PTPRD: variants seen among roughly 807,000 people sequenced by gnomAD.
PTPRD encodes protein tyrosine phosphatase receptor type D, also known as receptor-type tyrosine-protein phosphatase delta.
PTPRD carries 34 observed loss-of-function variants against 214.5 expected under a neutral mutation model. The observed-to-expected ratio is 0.16, with a 90% CI of 0.12 to 0.21. PTPRD has a LOEUF of 0.21. Among genes scored for constraint, PTPRD ranks in the 10% least tolerant of loss-of-function variants. The pLI, the probability that PTPRD is intolerant of heterozygous loss-of-function variation, is 1.00. For missense variants in PTPRD, 2,545 were observed against 2,398.7 expected (o/e 1.06, Z -1.27); for synonymous variants, 1,128 against 845.7 (o/e 1.33, Z -5.79).
chr9:10,092,615 C>T (rs2098443511), intron 3 of PTPRD, among the ~76,000 whole-genome samples: 1 of 150,886 alleles, frequency 6.6e-6, no homozygotes, highest in Admixed American at 6.6e-5. Flanking sequence ...TGAAATTATT[C>T]TAAAATTCAA....
At chr9:8,914,527 G>C (rs146788350) in intron 11 of PTPRD, among the ~76,000 whole-genome samples, 1 of 151,952 alleles carries the variant, frequency 6.6e-6, no homozygotes, top group African/African-American at 2.4e-5. Flanking sequence ...AGAGTGATAG[G>C]GGTCGAGATA....
intron 11 of PTPRD, among the ~76,000 whole-genome samples, chr9:8,952,181 T>C (rs529185669): frequency 3.3e-5 from 5 of 152,082 alleles, no homozygotes; most frequent in East Asian, 1.9e-4. Flanking sequence ...TTGCTTACTT[T>C]TTTGCTTTGT....
At chr9:9,093,905 T>C (rs962675762) in intron 10 of PTPRD, among the ~76,000 whole-genome samples, 3 of 151,302 alleles carry the variant, frequency 2.0e-5, no homozygotes, top group Admixed American at 6.6e-5. Flanking sequence ...ATCAGTAAAA[T>C]TGATAAACTT....
At chr9:9,613,859 A>G (rs1189081444) in intron 7 of PTPRD, among the ~76,000 whole-genome samples, 4 of 152,122 alleles carry the variant, frequency 2.6e-5, no homozygotes, top group African/African-American at 9.7e-5. Flanking sequence ...TAAAATATAA[A>G]TCTCTACTTT....
chr9:9,456,719 T>A (rs1325953222), intron 8 of PTPRD, among the ~76,000 whole-genome samples: 2 of 151,854 alleles, frequency 1.3e-5, no homozygotes, highest in East Asian at 3.9e-4. Context: ...TGCTACATAG[T>A]AAATAAAATT....
At chr9:10,046,906 ACACT>A (rs2097408674) in intron 3 of PTPRD, among the ~76,000 whole-genome samples, 1 of 152,038 alleles carries the variant, frequency 6.6e-6, no homozygotes, top group South Asian at 2.1e-4. Flanking sequence ...TGTGTTTTGC[ACACT>A]CAGTGAACAA....
intron 9 of PTPRD, among the ~76,000 whole-genome samples, chr9:9,217,245 A>G (rs1308267913): frequency 1.3e-5 from 2 of 152,142 alleles, no homozygotes; most frequent in Non-Finnish European, 2.9e-5. Flanking sequence ...AATGTGGATG[A>G]TAATAGAACC....
At chr9:8,972,719 C>A (rs868178401) in intron 11 of PTPRD, among the ~76,000 whole-genome samples, 2 of 151,940 alleles carry the variant, frequency 1.3e-5, no homozygotes, top group African/African-American at 2.4e-5. Flanking sequence ...AGGTTGAAAA[C>A]TTCCTAGTGA....
chr9:9,847,907 C>G (rs1241534543), intron 5 of PTPRD, among the ~76,000 whole-genome samples: 1 of 152,188 alleles, frequency 6.6e-6, no homozygotes, highest in Middle Eastern at 3.4e-3. Flanking sequence ...TTAAAAAAGG[C>G]AGATCCACGT....
chr9:9,508,092 A>G (rs2096612201), intron 8 of PTPRD, among the ~76,000 whole-genome samples: 1 of 151,674 alleles, frequency 6.6e-6, no homozygotes, highest in East Asian at 1.9e-4. Flanking sequence ...CAGCAAGTTC[A>G]TACTTCAGTA....
At chr9:9,657,295 C>A (rs572349369) in intron 7 of PTPRD, among the ~76,000 whole-genome samples, 1 of 152,108 alleles carries the variant, frequency 6.6e-6, no homozygotes, top group Non-Finnish European at 1.5e-5. Context: ...AGGTCATGTC[C>A]TTTGCAGGGA....
At chr9:10,102,487 C>A (rs2098561875) in intron 3 of PTPRD, among the ~76,000 whole-genome samples, 1 of 151,614 alleles carries the variant, frequency 6.6e-6, no homozygotes, top group Non-Finnish European at 1.5e-5. Context: ...CTATTAATCT[C>A]AGATAAACAA....
chr9:9,087,493 T>C (rs2099768842), intron 10 of PTPRD, among the ~76,000 whole-genome samples: 1 of 152,066 alleles, frequency 6.6e-6, no homozygotes, highest in African/African-American at 2.4e-5. Flanking sequence ...GAAATGTAGG[T>C]GGCATTTCAA....
intron 8 of PTPRD, among the ~76,000 whole-genome samples, chr9:9,493,851 T>C (rs1267899374): frequency 2.0e-5 from 3 of 151,330 alleles, no homozygotes; most frequent in African/African-American, 7.3e-5. Context: ...AGGTTATATC[T>C]ATCATAGATA....
chr9:10,002,340 A>ATATT (rs1306141395), intron 4 of PTPRD, among the ~76,000 whole-genome samples: 1 of 146,750 alleles, frequency 6.8e-6, no homozygotes, highest in Non-Finnish European at 1.5e-5. Context: ...AAATATATAT[A>ATATT]TATATATTTA....
chr9:9,944,181 C>G (rs1034385080), intron 4 of PTPRD, among the ~76,000 whole-genome samples: 2 of 152,042 alleles, frequency 1.3e-5, no homozygotes, highest in Non-Finnish European at 2.9e-5. Flanking sequence ...TCCTGTTTGC[C>G]CATTCTTGCT....
intron 8 of PTPRD, among the ~76,000 whole-genome samples, chr9:9,517,995 T>A (rs992738357): frequency 6.6e-6 from 1 of 152,120 alleles, no homozygotes; most frequent in African/African-American, 2.4e-5. Context: ...ATTACTTTTA[T>A]ACTCAATGCA....
intron 12 of PTPRD, among the ~76,000 whole-genome samples, chr9:8,721,528 T>A (rs2098498302): frequency 6.6e-6 from 1 of 152,008 alleles, no homozygotes; most frequent in Non-Finnish European, 1.5e-5. Flanking sequence ...AAGATAAAAT[T>A]AATTTTATTG....
intron 5 of PTPRD, among the ~76,000 whole-genome samples, chr9:9,777,845 G>C (rs2098810731): frequency 6.6e-6 from 1 of 152,136 alleles, no homozygotes; most frequent in Non-Finnish European, 1.5e-5. Context: ...AAGAGAATTA[G>C]AGTACCATCA....
Sources: allele counts gnomAD v4.1 joint callset (sites outside exome capture counted in the v4.1 genomes callset), GRCh38; gene constraint gnomAD v4.1.1; transcripts MANE v1.5; gene names NCBI Gene and HGNC (gene_info 2026-07-23, HGNC 2026-07-21).